Variants in DEF6 observed in about 807,000 individuals in gnomAD.
DEF6 encodes differentially expressed in FDCP 6 homolog.
Under a neutral mutation model 80.5 loss-of-function variants are expected in DEF6, and 32 were observed. The observed-to-expected ratio is 0.40, with a 90% CI of 0.30 to 0.53. The LOEUF is 0.53. Among genes scored for constraint, DEF6 ranks in the 20% least tolerant of loss-of-function variants. The pLI, the probability that DEF6 is intolerant of heterozygous loss-of-function variation, is 0.57. For synonymous variants in DEF6, 300 were observed against 337.9 expected (o/e 0.89, Z 1.23); for missense variants, 575 against 818.7 (o/e 0.70, Z 3.63).
chr6:35,300,590 C>A (rs778935266), intron 1 of DEF6, among the ~76,000 whole-genome samples: 14 of 152,230 alleles, frequency 9.2e-5, no homozygotes, highest in African/African-American at 3.1e-4. Context: ...AAACCAGATA[C>A]TTCTTTCTCT....
rs142012865 is a variant in DEF6 at position 35,299,134 on chromosome 6, A to G, written c.96+1182A>G. On this transcript the variant is annotated intron_variant, in intron 1 of 10. Coordinates refer to ENST00000316637, the MANE Select transcript of DEF6 (RefSeq NM_022047.4). ...ACCTGGATTTGTGAGCATCTAATAG[A>G]TGATTTCACTCCCCCAGGAAGGAGA... Among the ~76,000 whole-genome samples, 327 of 152,228 alleles carry G rather than the reference A, an allele frequency of 2.1e-3. 2 individuals carry two copies. Among genetic ancestry groups the G allele is most frequent in the African/African-American group, 7.5e-3 (311 of 41,524 alleles).
In DEF6 at chr6:35,318,061, G is replaced by A; in HGVS notation, c.916+62G>A. 1 of 1,567,424 alleles carries A rather than the reference G, an allele frequency of 6.4e-7. No individual in the cohort carries two copies. Among genetic ancestry groups the A allele is most frequent in the South Asian group, 1.1e-5 (1 of 87,110 alleles). On this transcript the variant is annotated intron_variant, in intron 6 of 10. Coordinates refer to ENST00000316637, the MANE Select transcript of DEF6 (RefSeq NM_022047.4). The surrounding 1 kb of genome is among the most constrained non-coding windows in gnomAD (Gnocchi z 5.1). ...CTTAGGCGCCTCATCTGTGAAAAGG[G>A]GGTGATAATACTTTGTCCAGCGGGA...
In DEF6 at chr6:35,312,178, C is replaced by G. The variant is rs1791476390; in HGVS notation, c.424-124C>G. 1.3e-6 allele frequency: 1 copy of G among 765,708 alleles called. No homozygotes were observed. Among genetic ancestry groups the G allele is most frequent in the African/African-American group, 1.7e-5 (1 of 57,148 alleles). 47.4% of individuals were successfully genotyped at this position (765,708 alleles called of 1,614,324 possible). ...CTCCATAACATTCGGTCCTCTGGCC[C>G]CCTCAACGCTCTGTCCCCTGTTTCC... On this transcript the variant is annotated intron_variant, in intron 3 of 10. Transcript: ENST00000316637. The surrounding 1 kb of genome is among the most constrained non-coding windows in gnomAD (Gnocchi z 6.6).
At chr6:35,314,458 T>C (rs1033708101) in intron 5 of DEF6, among the ~76,000 whole-genome samples, 3 of 151,716 alleles carry the variant, frequency 2.0e-5, no homozygotes, top group Admixed American at 6.6e-5. Flanking sequence ...TAAAAAGCCA[T>C]TTTAACTGGG....
rs1253318278 is a variant in DEF6 at position 35,312,066 on chromosome 6, A to G, written c.424-236A>G. On this transcript the variant is annotated intron_variant, in intron 3 of 10. Coordinates refer to ENST00000316637, the MANE Select transcript of DEF6 (RefSeq NM_022047.4). The surrounding 1 kb of genome is among the most constrained non-coding windows in gnomAD (Gnocchi z 6.6). ...CCTTCACCTTGCCCTTAAGACAGGAAGGAGTGGGACTGGAGGTTGTGGACG... is the reference window on the plus strand; with the variant it reads ...CCTTCACCTTGCCCTTAAGACAGGAGGGAGTGGGACTGGAGGTTGTGGACG... 1.3e-5 allele frequency among the ~76,000 whole-genome samples: 2 copies of G among 152,196 alleles called. No homozygotes were observed. Among genetic ancestry groups the G allele is most frequent in the East Asian group, 1.9e-4 (1 of 5,196 alleles).
chr6:35,299,159 A>C (rs1413397652), intron 1 of DEF6, among the ~76,000 whole-genome samples: 1 of 152,106 alleles, frequency 6.6e-6, no homozygotes, highest in African/African-American at 2.4e-5. Flanking sequence ...CAGGAAGGAG[A>C]GCCCACTACT....
chr6:35,314,947 T>G (rs2150388030), intron 5 of DEF6, among the ~76,000 whole-genome samples: 1 of 152,350 alleles, frequency 6.6e-6, no homozygotes, highest in South Asian at 2.1e-4. Context: ...GATTTTTTTA[T>G]ATGGTGAGAG....
intron 5 of DEF6, 99 bp from the exon 6 acceptor site, chr6:35,317,792 A>G: frequency 4.0e-6 from 4 of 1,012,034 alleles, no homozygotes; most frequent in Non-Finnish European, 5.7e-6. Flanking sequence ...CAGGGAAGAT[A>G]GCCAGGAGGG....
chr6:35,319,748 T>G lies in DEF6; in HGVS notation c.1382+58T>G. On this transcript the variant is annotated intron_variant, in intron 8 of 10. Transcript: ENST00000316637. This position sits in a 1 kb window ranked among gnomAD's most constrained non-coding sequence, Gnocchi z 4.5. ...CCACCCCTCCTGGAACACACCCCAG[T>G]TTTCCTGCTTGCTGTGCACCTGCAA... 1 of 1,610,412 alleles carries G rather than the reference T, an allele frequency of 6.2e-7. No individual in the cohort carries two copies. The highest frequency in any genetic ancestry group is 2.2e-5 in the East Asian group (1 of 44,794).
chr6:35,319,574 C>G lies in DEF6; in HGVS notation c.1266C>G (p.Ala422=), dbSNP rs575156362. The change falls in exon 8 of 11, where the codon GCC becomes GCG. Residue 422 remains alanine (A), a synonymous_variant. Transcript: ENST00000316637. This position sits in a 1 kb window ranked among gnomAD's most constrained non-coding sequence, Gnocchi z 4.5. ...TGGAGCTGAAGGAGGAGGAGGCTGC[C>G]CGGCAGCGGCAGCGCATCAAGGAGC... ...AEMELKEEEA[A]RQRQRIKELE... is the part of the protein sequence containing the mutation. 1 of 1,613,902 alleles carries G rather than the reference C, an allele frequency of 6.2e-7. No individual in the cohort carries two copies. Among genetic ancestry groups the G allele is most frequent in the Admixed American group, 1.7e-5 (1 of 59,984 alleles).
Position 35,318,166 on chromosome 6 carries a change from T to C in DEF6, c.917-7T>C, listed in dbSNP as rs1326167164. 6.5e-7 allele frequency: 1 copy of C among 1,548,992 alleles called. No homozygotes were observed. Among genetic ancestry groups the C allele is most frequent in the Non-Finnish European group, 8.7e-7 (1 of 1,150,064 alleles). ...GATCCTACTGACCCGCTCCCGCTCT[T>C]CGGCAGCCATCCAGATGGCGATCCG... is the stretch of plus-strand genomic sequence containing the variant. On this transcript the variant is annotated splice_region_variant and splice_polypyrimidine_tract_variant and intron_variant, in intron 6 of 10. Transcript: ENST00000316637. The surrounding 1 kb of genome is among the most constrained non-coding windows in gnomAD (Gnocchi z 5.1).
At position 35,309,696 on chromosome 6, in the gene DEF6, C is replaced by G. The variant is rs1582230356; in HGVS notation, c.123C>G (p.Val41=). Residue 41 remains valine (V), a synonymous_variant, in exon 2 of 11, where the codon GTC becomes GTG. Transcript: ENST00000316637. The part of the protein sequence containing the change: ...LKVLSHNLYT[V]LHIPHDPVAL... Reference sequence around the variant, plus strand: ...TGCTGTCCCACAACCTGTACACGGTCCTGCACATCCCCCATGACCCCGTGG... The same window carrying G: ...TGCTGTCCCACAACCTGTACACGGTGCTGCACATCCCCCATGACCCCGTGG... 6.2e-7 allele frequency: 1 copy of G among 1,614,032 alleles called. No homozygotes were observed.
At position 35,312,830 on chromosome 6, in the gene DEF6, T is replaced by G. The variant is rs187676919; in HGVS notation, c.807+58T>G. The G allele has an allele frequency of 1.3e-6, 2 of 1,543,394 alleles. No individual in the cohort carries two copies. Among genetic ancestry groups the G allele is most frequent in the Non-Finnish European group, 1.8e-6 (2 of 1,138,890 alleles). Reference sequence around the variant, plus strand: ...AGGGCCCAGAGTGTCCTCAGGGGCATGAGAAGACAAGGGGGTCAGGAGAGG... The same window carrying G: ...AGGGCCCAGAGTGTCCTCAGGGGCAGGAGAAGACAAGGGGGTCAGGAGAGG... On this transcript the variant is annotated intron_variant, in intron 5 of 10. Transcript: ENST00000316637. The surrounding 1 kb of genome is among the most constrained non-coding windows in gnomAD (Gnocchi z 6.6).
intron 1 of DEF6, among the ~76,000 whole-genome samples, chr6:35,304,457 C>T (rs1012151442): frequency 1.4e-4 from 22 of 152,302 alleles, no homozygotes; most frequent in East Asian, 7.7e-4. Flanking sequence ...TTCCAGGCTG[C>T]AGGAACAGTA....
intron 5 of DEF6, chr6:35,316,075 G>T (rs1791522426): frequency 6.0e-6 from 1 of 166,420 alleles, no homozygotes; most frequent in Non-Finnish European, 1.3e-5. Flanking sequence ...CACCGTGTTG[G>T]CCAGGCTGGT....
chr6:35,308,501 T>A (rs1422020572), intron 1 of DEF6, among the ~76,000 whole-genome samples: 3 of 151,766 alleles, frequency 2.0e-5, no homozygotes, highest in African/African-American at 7.3e-5. Flanking sequence ...GGTGAAACCC[T>A]GTCTCTACTA....
At chr6:35,320,829 A>G in intron 9 of DEF6, 55 bp from the exon 10 acceptor site, 1 of 1,501,254 alleles carries the variant, frequency 6.7e-7, no homozygotes, top group Non-Finnish European at 9.1e-7. Context: ...AAAGATCAAG[A>G]CTCCATGCCA....
chr6:35,321,130 C>T, intron 10 of DEF6, 57 bp from the exon 11 acceptor site: 1 of 1,590,484 alleles, frequency 6.3e-7, no homozygotes, highest in Admixed American at 1.7e-5. Flanking sequence ...AGGCAAGGCC[C>T]CTCGCCTCTC....
chr6:35,317,664 G>A (rs1014312423), intron 5 of DEF6: 1 of 495,344 alleles, frequency 2.0e-6, no homozygotes, highest in Middle Eastern at 5.2e-4. Flanking sequence ...TGGAATAATA[G>A]CAAGATGGAA....
Sources: gnomAD v4.1 joint callset for allele counts (sites outside exome capture counted in the v4.1 genomes callset) on GRCh38, gnomAD v4.1.1 for gene constraint, Gnocchi (gnomAD v3.1) non-coding constraint, MANE v1.5 for transcripts, NCBI Gene and HGNC (gene_info 2026-07-23, HGNC 2026-07-21) for gene names.